FAP: variants seen among roughly 807,000 people sequenced by gnomAD.
The protein encoded by FAP is prolyl endopeptidase FAP.
FAP carries 110 observed loss-of-function variants against 126.5 expected under a neutral mutation model. The observed-to-expected ratio is 0.87, with a 90% CI of 0.74 to 1.02. The LOEUF is 1.02. Among genes scored for constraint, FAP ranks in the 50% least tolerant of loss-of-function variants. The pLI is 0.00. For missense variants in FAP, 919 were observed against 909.2 expected, an observed-to-expected ratio of 1.01 and a Z score of -0.14; for synonymous variants, 334 against 297.3, an observed-to-expected ratio of 1.12 and a Z score of -1.27.
chr2:162,188,627 G>A (rs1456433149), intron 19 of FAP, among the ~76,000 whole-genome samples: 4 of 151,926 alleles, frequency 2.6e-5, no homozygotes, highest in Admixed American at 6.6e-5. Context: ...TGGGTTTTTC[G>A]TCATTTCTGC....
chr2:162,182,400 A>T (rs1384921267), intron 21 of FAP, among the ~76,000 whole-genome samples: 1 of 152,206 alleles, frequency 6.6e-6, no homozygotes, highest in Admixed American at 6.5e-5. Context: ...TCACTATAGA[A>T]ATATTTCATT....
At chr2:162,228,072 T>C (rs2106290370) in intron 2 of FAP, among the ~76,000 whole-genome samples, 1 of 152,312 alleles carries the variant, frequency 6.6e-6, no homozygotes, top group Non-Finnish European at 1.5e-5. Flanking sequence ...CCAGGAATCA[T>C]GTCTTGTTTT....
chr2:162,186,992 T>C (rs1442404069), intron 20 of FAP, among the ~76,000 whole-genome samples: 1 of 152,092 alleles, frequency 6.6e-6, no homozygotes, highest in Non-Finnish European at 1.5e-5. Flanking sequence ...CAGATTTTAG[T>C]GTTAGTAACC....
intron 2 of FAP, among the ~76,000 whole-genome samples, chr2:162,241,772 C>T (rs550678091): frequency 1.3e-5 from 2 of 152,316 alleles, no homozygotes; most frequent in South Asian, 4.1e-4. Flanking sequence ...CACTACATAC[C>T]TCTCAACAGC....
Position 162,170,753 on chromosome 2 carries a change from A to T in FAP, c.*226T>A. 2.1e-6 allele frequency: 1 copy of T among 470,996 alleles called. No homozygotes were observed. The allele number at this position is 470,996 out of a possible 1,614,324, so 29.2% of individuals were successfully genotyped here. ...GGTGATAAAACACTGTGTCCAAAGCAAAATGCATGACTCCCTTTTCTCTTC... is the reference window on the plus strand; with the variant it reads ...GGTGATAAAACACTGTGTCCAAAGCTAAATGCATGACTCCCTTTTCTCTTC... On this transcript the variant is annotated 3_prime_UTR_variant, in exon 26 of 26. Transcript: ENST00000188790.
chr2:162,229,091 A>C (rs1689783987), intron 2 of FAP, among the ~76,000 whole-genome samples: 1 of 152,164 alleles, frequency 6.6e-6, no homozygotes, highest in African/African-American at 2.4e-5. Context: ...AGTATAAATA[A>C]TGCTTCAGTT....
rs748519577 is a variant in FAP, at chr2:162,173,788, C to T, written c.1970-1G>A. ...ATGAATCTCTCTGTGTAGACAGACG[C>T]TATAAAATATATGAGAATATGCATT... On this transcript the variant is annotated splice_acceptor_variant, in intron 22 of 25. Coordinates refer to ENST00000188790, the MANE Select transcript of FAP (RefSeq NM_004460.5). LOFTEE classifies it high-confidence loss of function. 9 of 1,586,394 alleles carry T rather than the reference C, an allele frequency of 5.7e-6. No homozygotes were observed. The highest frequency in any genetic ancestry group is 7.8e-6 in the Non-Finnish European group (9 of 1,155,586).
In FAP at chr2:162,194,656, T is replaced by C. The variant is rs374933915; in HGVS notation, c.1450+45A>G. The C allele has an allele frequency of 1.9e-6, 3 of 1,571,632 alleles. No homozygotes were observed. In the South Asian group the frequency reaches 3.3e-5, roughly 17 times the overall value. On this transcript the variant is annotated intron_variant, in intron 17 of 25. Coordinates refer to ENST00000188790, the MANE Select transcript of FAP (RefSeq NM_004460.5). The stretch of plus-strand genomic sequence containing the variant: ...TCTCTAGCGGAGCATCACAGAGAGT[T>C]CAGGATTACTTGAGACAAGATAGAT...
chr2:162,188,947 C>T (rs1424756414), intron 19 of FAP, among the ~76,000 whole-genome samples, 156 bp downstream of exon 19: 1 of 152,004 alleles, frequency 6.6e-6, no homozygotes, highest in Non-Finnish European at 1.5e-5. Context: ...TTTTAAATAG[C>T]CATATTTTAT....
At chr2:162,190,389 T>C (rs913889972) in intron 17 of FAP, among the ~76,000 whole-genome samples, 2 of 151,792 alleles carry the variant, frequency 1.3e-5, no homozygotes, top group African/African-American at 2.4e-5. Flanking sequence ...CAATATATAT[T>C]GTGTATACAC....
chr2:162,205,827 T>C (rs2097783753), intron 12 of FAP, among the ~76,000 whole-genome samples: 1 of 152,204 alleles, frequency 6.6e-6, no homozygotes, highest in South Asian at 2.1e-4. Flanking sequence ...CTCCTTCTTA[T>C]TCCTCATTGT....
At chr2:162,188,717 G>A (rs1319022503) in intron 19 of FAP, among the ~76,000 whole-genome samples, 2 of 151,942 alleles carry the variant, frequency 1.3e-5, no homozygotes, top group Non-Finnish European at 2.9e-5. Flanking sequence ...GTGTAGGTCA[G>A]CACTGATTTT....
At chr2:162,185,537 C>T (rs780572528) in intron 20 of FAP, among the ~76,000 whole-genome samples, 1 of 152,122 alleles carries the variant, frequency 6.6e-6, no homozygotes, top group African/African-American at 2.4e-5. Flanking sequence ...ATGTCTGTAG[C>T]TTCACAAACA....
intron 21 of FAP, among the ~76,000 whole-genome samples, chr2:162,179,902 G>A (rs1232781561): frequency 4.0e-5 from 6 of 150,764 alleles, no homozygotes; most frequent in Admixed American, 6.6e-5. Context: ...TCTACCTCCC[G>A]GGTTCAAGCA....
chr2:162,209,460 T>C (rs112912672), intron 12 of FAP, among the ~76,000 whole-genome samples: 1 of 152,190 alleles, frequency 6.6e-6, no homozygotes, highest in African/African-American at 2.4e-5. Context: ...ATTTTCCTAT[T>C]TGATACCAAA....
intron 17 of FAP, chr2:162,194,304 A>G (rs1178271715): frequency 5.8e-6 from 1 of 173,660 alleles, no homozygotes; most frequent in Non-Finnish European, 1.2e-5. Flanking sequence ...ACACACATGC[A>G]AACAACCCCC....
In FAP at chr2:162,224,560, G is replaced by A. The variant is rs771150162; in HGVS notation, c.286-20C>T. On this transcript the variant is annotated intron_variant, in intron 4 of 25. Transcript: ENST00000188790. ...ACTTTTCTGAAATTATGAAGAGGTT[G>A]ATTAGAATACAGAAAAGATAACAAA... The A allele has an allele frequency of 6.8e-7, 1 of 1,474,588 alleles. No individual in the cohort carries two copies. Among genetic ancestry groups the A allele is most frequent in the Non-Finnish European group, 9.3e-7 (1 of 1,073,444 alleles). The allele number at this position is 1,474,588 out of a possible 1,614,324, so 91.3% of individuals were successfully genotyped here. A position where few individuals can be genotyped will look rare whatever the true frequency, so the allele number is the denominator to read the frequency against.
intron 16 of FAP, 49 bp downstream of exon 16, chr2:162,198,708 A>G (rs368787200): frequency 1.9e-6 from 3 of 1,606,066 alleles, no homozygotes; most frequent in Non-Finnish European, 2.6e-6. Flanking sequence ...GAGGAGGATG[A>G]CAACCATGCC....
chr2:162,185,863 A>G (rs1239697063), intron 20 of FAP, among the ~76,000 whole-genome samples: 2 of 152,108 alleles, frequency 1.3e-5, no homozygotes, highest in African/African-American at 2.4e-5. Flanking sequence ...AGGTATATTG[A>G]ATCATCCCTA....
Sources: allele counts gnomAD v4.1 joint callset (sites outside exome capture counted in the v4.1 genomes callset), GRCh38; gene constraint gnomAD v4.1.1; transcripts MANE v1.5; gene names NCBI Gene and HGNC (gene_info 2026-07-23, HGNC 2026-07-21).